The following MTHFD2L variants were observed in gnomAD, a reference collection of about 807,000 sequenced individuals.
MTHFD2L encodes methylenetetrahydrofolate dehydrogenase (NADP+ dependent) 2 like.
A neutral mutation model predicts 34.9 loss-of-function variants in MTHFD2L; 29 were observed. The ratio of observed to expected loss-of-function variants is 0.83; its 90% CI spans 0.62 to 1.13. MTHFD2L has a LOEUF of 1.13. Among genes scored for constraint, MTHFD2L ranks in the 50% most tolerant of loss-of-function variants. The pLI is 0.00. For synonymous variants in MTHFD2L, 167 were observed against 155.7 expected (o/e 1.07, Z -0.54); for missense variants, 481 against 446.5 (o/e 1.08, Z -0.70).
chr4:74,174,142 T>G (rs190305312), intron 1 of MTHFD2L, among the ~76,000 whole-genome samples: 1 of 152,236 alleles, frequency 6.6e-6, no homozygotes, highest in Admixed American at 6.6e-5. Context: ...TGGAATTTCT[T>G]AAAAGGACAC....
chr4:74,266,764 C>CT, intron 6 of MTHFD2L: 7 of 731,414 alleles, frequency 9.6e-6, no homozygotes, highest in Non-Finnish European at 1.2e-5. Flanking sequence ...TATCACTTTT[C>CT]TGAGTCAATC....
intron 5 of MTHFD2L, among the ~76,000 whole-genome samples, chr4:74,209,232 G>A (rs1177563123): frequency 6.6e-6 from 1 of 152,166 alleles, no homozygotes; most frequent in Admixed American, 6.5e-5. Context: ...TGGGATACAT[G>A]TGCAGAACGT....
At chr4:74,201,208 T>G in intron 4 of MTHFD2L, 55 bp from the exon 5 acceptor site, 1 of 1,359,810 alleles carries the variant, frequency 7.4e-7, no homozygotes, top group Admixed American at 1.8e-5. Flanking sequence ...TGTACAAATG[T>G]TTAATTTACT....
rs139307899 is a variant in MTHFD2L at position 74,273,143 on chromosome 4, A to T, written c.806-8282A>T. Among the ~76,000 whole-genome samples, 522 of 152,258 alleles carry T rather than the reference A, an allele frequency of 3.4e-3. 6 individuals are homozygous for T. Among genetic ancestry groups the T allele is most frequent in the African/African-American group, 0.012 (483 of 41,560 alleles). On this transcript the variant is annotated intron_variant, in intron 6 of 7. Coordinates refer to ENST00000325278, the MANE Select transcript of MTHFD2L (RefSeq NM_001144978.3). ...TAAAACTATTCCTGATGTCCCTGCAAATTTTATCGTGGTGAGGCTTTGGGT... is the reference window on the plus strand; with the variant it reads ...TAAAACTATTCCTGATGTCCCTGCATATTTTATCGTGGTGAGGCTTTGGGT...
At chr4:74,127,607 T>G (rs972564434) in intron 1 of MTHFD2L, among the ~76,000 whole-genome samples, 9 of 152,168 alleles carry the variant, frequency 5.9e-5, no homozygotes, top group Non-Finnish European at 1.2e-4. Context: ...TGAAAAATAT[T>G]CAATTATGTA....
chr4:74,153,443 A>G (rs1313721367), upstream of MTHFD2L, among the ~76,000 whole-genome samples: 2 of 152,240 alleles, frequency 1.3e-5, no homozygotes, highest in Non-Finnish European at 2.9e-5. Flanking sequence ...TCATTGGAAC[A>G]CTTAAAATAA....
At chr4:74,199,353 AT>A (rs1578438737) in intron 3 of MTHFD2L, among the ~76,000 whole-genome samples, 1 of 152,120 alleles carries the variant, frequency 6.6e-6, no homozygotes, top group Non-Finnish European at 1.5e-5. Flanking sequence ...TGTTATGACT[AT>A]TCTTAACACT....
In MTHFD2L at chr4:74,301,691, C is replaced by T. The variant is rs1252753498; in HGVS notation, c.932-6C>T. On this transcript the variant is annotated splice_region_variant and splice_polypyrimidine_tract_variant and intron_variant, in intron 7 of 7. Coordinates refer to ENST00000325278, the MANE Select transcript of MTHFD2L (RefSeq NM_001144978.3). ...AGAATATCTGTTTGTTTTTTTTCCTCATCAGCTGTTAAAAAGAAAGCTGGC... is the reference window on the plus strand; with the variant it reads ...AGAATATCTGTTTGTTTTTTTTCCTTATCAGCTGTTAAAAAGAAAGCTGGC... The T allele has an allele frequency of 1.9e-6, 3 of 1,543,680 alleles. No individual in the cohort carries two copies. The highest frequency in any genetic ancestry group is 2.3e-5 in the East Asian group (1 of 43,212).
chr4:74,129,106 A>G (rs1319377820), intron 1 of MTHFD2L, among the ~76,000 whole-genome samples: 1 of 152,102 alleles, frequency 6.6e-6, no homozygotes, highest in East Asian at 1.9e-4. Context: ...TACAATAAAC[A>G]TCTTTTAAAT....
chr4:74,142,014 TCA>T (rs1281059228), intron 1 of MTHFD2L, among the ~76,000 whole-genome samples: 1 of 152,188 alleles, frequency 6.6e-6, no homozygotes, highest in Non-Finnish European at 1.5e-5. Flanking sequence ...TAAGCTGGGC[TCA>T]CATTAGAATT....
intron 6 of MTHFD2L, among the ~76,000 whole-genome samples, chr4:74,254,150 C>A (rs1196243867): frequency 6.6e-6 from 1 of 152,062 alleles, no homozygotes; most frequent in Non-Finnish European, 1.5e-5. Flanking sequence ...TAACAGACAA[C>A]TTCTAAAATC....
rs778316690 is a variant in MTHFD2L at position 74,225,378 on chromosome 4, TA to T, written c.790del (p.Ile264SerfsTer2). 6.2e-7 allele frequency: 1 copy of T among 1,612,888 alleles called. No individual in the cohort carries two copies. The highest frequency in any genetic ancestry group is 1.7e-5 in the Admixed American group (1 of 59,928). On this transcript the variant is annotated frameshift_variant, in exon 6 of 8. Transcript: ENST00000325278. LOFTEE classifies it high-confidence loss of function. Reference sequence around the variant, plus strand: ...AGATTCATACGCAGCTGGCAGATATTATCATAGTTGCTGCAGGTAAGTCCTT... The same window carrying T: ...AGATTCATACGCAGCTGGCAGATATTTCATAGTTGCTGCAGGTAAGTCCTT... ...LKIHTQLADIIIVAAGIPKLI... is the reference protein window; with the variant it reads ...LKIHTQLADIXIVAAGIPKLI...
chr4:74,246,445 G>C (rs1305021190), intron 6 of MTHFD2L, among the ~76,000 whole-genome samples: 1 of 151,816 alleles, frequency 6.6e-6, no homozygotes, highest in African/African-American at 2.4e-5. Context: ...TCACTCTGAT[G>C]GTAGTTTCTT....
intron 1 of MTHFD2L, among the ~76,000 whole-genome samples, chr4:74,147,466 C>A (rs1393591560): frequency 2.0e-5 from 3 of 152,168 alleles, no homozygotes; most frequent in African/African-American, 7.2e-5. Flanking sequence ...TCTAATTTGG[C>A]ATCTCCTTTG....
At chr4:74,261,266 A>G (rs1399708379) in intron 6 of MTHFD2L, among the ~76,000 whole-genome samples, 1 of 152,026 alleles carries the variant, frequency 6.6e-6, no homozygotes, top group East Asian at 1.9e-4. Flanking sequence ...ATTAGAACTA[A>G]TGAGAAAGTT....
At chr4:74,228,610 G>T (rs1289915483) in intron 6 of MTHFD2L, among the ~76,000 whole-genome samples, 2 of 152,166 alleles carry the variant, frequency 1.3e-5, no homozygotes, top group African/African-American at 2.4e-5. Context: ...ATATTCTCTT[G>T]TAACTAAGTC....
intron 1 of MTHFD2L, among the ~76,000 whole-genome samples, chr4:74,168,965 G>GA (rs1318756965): frequency 2.6e-5 from 4 of 152,170 alleles, no homozygotes; most frequent in African/African-American, 9.7e-5. Flanking sequence ...GACCAATACA[G>GA]GCACTCTCTC....
chr4:74,165,707 A>G (rs1273200141), intron 1 of MTHFD2L, among the ~76,000 whole-genome samples: 5 of 152,212 alleles, frequency 3.3e-5, no homozygotes, highest in African/African-American at 1.2e-4. Flanking sequence ...AACAGTTGCA[A>G]ATAGAATCTT....
chr4:74,142,378 C>T (rs899834772), intron 1 of MTHFD2L, among the ~76,000 whole-genome samples: 2 of 152,032 alleles, frequency 1.3e-5, no homozygotes, highest in African/African-American at 4.8e-5. Flanking sequence ...CTCATAAATG[C>T]GATTAGTTTT....
Sources: gnomAD v4.1 joint callset for allele counts (sites outside exome capture counted in the v4.1 genomes callset) on GRCh38, gnomAD v4.1.1 for gene constraint, MANE v1.5 for transcripts, NCBI Gene and HGNC (gene_info 2026-07-23, HGNC 2026-07-21) for gene names.